TLE1: variants seen among roughly 807,000 people sequenced by gnomAD.
The protein encoded by TLE1 is TLE family member 1, transcriptional corepressor.
A neutral mutation model predicts 89.8 loss-of-function variants in TLE1; 21 were observed. That is an observed-to-expected ratio of 0.23 (90% CI 0.17 to 0.34). TLE1 has a LOEUF of 0.34. Ranked by LOEUF, TLE1 falls within the 10% of genes least tolerant of loss-of-function variation. TLE1 has a pLI of 1.00. For missense variants in TLE1, 795 were observed against 1,031.2 expected, an observed-to-expected ratio of 0.77 and a Z score of 3.14; for synonymous variants, 447 against 407.6, an observed-to-expected ratio of 1.10 and a Z score of -1.16.
intron 8 of TLE1, among the ~76,000 whole-genome samples, chr9:81,621,662 A>G (rs1351477140): frequency 6.6e-6 from 1 of 152,198 alleles, no homozygotes; most frequent in East Asian, 1.9e-4. Flanking sequence ...CAAATATTTT[A>G]TGGTATCTTT....
At chr9:81,639,390 C>G (rs1827805144) in intron 6 of TLE1, among the ~76,000 whole-genome samples, 1 of 152,070 alleles carries the variant, frequency 6.6e-6, no homozygotes. Flanking sequence ...TAACCAAAAC[C>G]TGCCCGTCAT....
At chr9:81,648,141 G>A (rs144063743) in intron 6 of TLE1, among the ~76,000 whole-genome samples, 2,049 of 151,670 alleles carry the variant, frequency 0.014, 45 homozygotes, top group African/African-American at 0.04. Context: ...GTATGGCGGT[G>A]CATGCCTGTA....
chr9:81,633,075 T>G (rs530555049), intron 8 of TLE1, among the ~76,000 whole-genome samples: 1 of 152,280 alleles, frequency 6.6e-6, no homozygotes, highest in Admixed American at 6.5e-5. Context: ...TATTTCCAAG[T>G]AAGTAATCAC....
intron 4 of TLE1, among the ~76,000 whole-genome samples, chr9:81,685,203 C>T (rs972556074): frequency 6.6e-6 from 1 of 152,186 alleles, no homozygotes; most frequent in Non-Finnish European, 1.5e-5. Flanking sequence ...CTTCATGCAG[C>T]CCCAAAGCAT....
chr9:81,687,303 G>A lies in TLE1; in HGVS notation c.125+31C>T, dbSNP rs982370580. On this transcript the variant is annotated intron_variant, in intron 2 of 19. Coordinates refer to ENST00000376499, the MANE Select transcript of TLE1 (RefSeq NM_005077.5). ...GTGCAAGGGGCACCGGGACGCCCGC[G>A]ACCACTCGCATGGCGCGGCCGGACA... The A allele has an allele frequency of 7.0e-6, 11 of 1,576,468 alleles. No homozygotes were observed. In the South Asian group the frequency reaches 1.0e-4, roughly 15 times the overall value.
rs771364039 is a variant in TLE1, at chr9:81,593,244, A to G, written c.1362T>C (p.Gly454=). The stretch of plus-strand genomic sequence containing the variant: ...GGGGAAAAGGGACAGGCTGCATCTG[A>G]CCGTCTGCAGTAACGTGGAAGGAGT... ...PAYSFHVTAD[G]QMQPVPFPPD... The change falls in exon 15 of 20, where the codon GGT becomes GGC. Residue 454 remains glycine (G), a synonymous_variant. Transcript: ENST00000376499. 7 of 1,613,952 alleles carry G rather than the reference A, an allele frequency of 4.3e-6. No individual in the cohort carries two copies. Among genetic ancestry groups the G allele is most frequent in the Non-Finnish European group, 5.9e-6 (7 of 1,179,848 alleles).
chr9:81,657,256 CTTGCTTAATATGAT>C, intron 4 of TLE1, among the ~76,000 whole-genome samples: 1 of 152,248 alleles, frequency 6.6e-6, no homozygotes, highest in Non-Finnish European at 1.5e-5. Context: ...GTCTTTCAAC[CTTGCTTAATATGAT>C]TTTTTTGCTG....
chr9:81,647,427 G>C (rs1308308747), intron 6 of TLE1, among the ~76,000 whole-genome samples: 1 of 152,162 alleles, frequency 6.6e-6, no homozygotes, highest in African/African-American at 2.4e-5. Flanking sequence ...TTTCACTACT[G>C]TTTCCTTATT....
chr9:81,587,150 G>A lies in TLE1; in HGVS notation c.1977+531C>T, dbSNP rs577513954. Reference sequence around the variant, plus strand: ...AGTCTGCAAATCTAGTCAGCCACCAGTTCATTTTTTAAAGGATGAGGAATA... The same window carrying A: ...AGTCTGCAAATCTAGTCAGCCACCAATTCATTTTTTAAAGGATGAGGAATA... On this transcript the variant is annotated intron_variant, in intron 17 of 19. Transcript: ENST00000376499. Among the ~76,000 whole-genome samples the A allele has an allele frequency of 2.5e-4, 38 of 152,276 alleles. No homozygotes were observed. In the South Asian group the frequency reaches 5.4e-3, roughly 22 times the overall value.
chr9:81,634,468 G>A (rs1827121540), intron 6 of TLE1, among the ~76,000 whole-genome samples, 167 bp from the exon 7 acceptor site: 1 of 144,656 alleles, frequency 6.9e-6, no homozygotes, highest in South Asian at 2.1e-4. Context: ...GAAAGAGAGG[G>A]AGGAAAGGGG....
chr9:81,595,923 C>T (rs7036755), intron 14 of TLE1, among the ~76,000 whole-genome samples: 29,306 of 151,870 alleles, frequency 0.19, 3,258 homozygotes, highest in East Asian at 0.3. Context: ...ATCTCGGTGC[C>T]ATGAGAGAAA....
chr9:81,649,662 C>T (rs1829295992), intron 6 of TLE1, among the ~76,000 whole-genome samples: 1 of 152,146 alleles, frequency 6.6e-6, no homozygotes. Flanking sequence ...CCTAAGTCGG[C>T]CCCTGAACAA....
chr9:81,663,483 A>C (rs1017741754), intron 4 of TLE1, among the ~76,000 whole-genome samples: 7 of 152,182 alleles, frequency 4.6e-5, no homozygotes, highest in Non-Finnish European at 1.0e-4. Context: ...CATACAGCCC[A>C]AACAGGGCTG....
Position 81,613,416 on chromosome 9 carries a change from C to G in TLE1, c.1024G>C (p.Gly342Arg). 1 of 1,614,102 alleles carries G rather than the reference C, an allele frequency of 6.2e-7. No homozygotes were observed. The highest frequency in any genetic ancestry group is 8.5e-7 in the Non-Finnish European group (1 of 1,179,978). ...SATPGLRPGL[G>R]KPPAIDPLVN... ...AGGGGGTCTATGGCTGGAGGCTTGC[C>G]GAGACCTGGACGGAGGCCTGGAGTG... The change falls in exon 12 of 20, where the codon GGC (glycine) becomes CGC (arginine). Residue 342 changes from glycine (G) to arginine (R), a missense_variant. Around this residue, in one of 4 missense-constraint regions of TLE1, gnomAD observed 468 missense variants for 509.1 expected, o/e 0.92. Coordinates refer to ENST00000376499, the MANE Select transcript of TLE1 (RefSeq NM_005077.5).
chr9:81,589,311 G>A (rs1829102032), intron 16 of TLE1, among the ~76,000 whole-genome samples: 1 of 152,070 alleles, frequency 6.6e-6, no homozygotes, highest in African/African-American at 2.4e-5. Flanking sequence ...CCATCCCTCT[G>A]CCCTCTCTCC....
chr9:81,615,948 G>A, intron 11 of TLE1, 34 bp downstream of exon 11: 1 of 1,611,252 alleles, frequency 6.2e-7, no homozygotes, highest in East Asian at 2.2e-5. Flanking sequence ...AAAATACACT[G>A]CCAAACAGGC....
intron 14 of TLE1, among the ~76,000 whole-genome samples, chr9:81,605,714 GAC>G (rs998830777): frequency 7.9e-5 from 12 of 151,754 alleles, no homozygotes; most frequent in Non-Finnish European, 1.8e-4. Context: ...CATGGGCAAA[GAC>G]TTCATGACTA....
intron 4 of TLE1, among the ~76,000 whole-genome samples, chr9:81,684,898 T>C (rs1834072501): frequency 6.6e-6 from 1 of 152,194 alleles, no homozygotes; most frequent in Admixed American, 6.5e-5. Flanking sequence ...GGCTGAGCAA[T>C]CATTTAGCTT....
In TLE1 at chr9:81,613,369, T is replaced by C; in HGVS notation, c.1063+8A>G. 4.3e-6 allele frequency: 7 copies of C among 1,613,152 alleles called. No homozygotes were observed. Among genetic ancestry groups the C allele is most frequent in the Non-Finnish European group, 5.9e-6 (7 of 1,179,600 alleles). On this transcript the variant is annotated splice_region_variant and intron_variant, in intron 12 of 19. Transcript: ENST00000376499. Reference sequence around the variant, plus strand: ...CCAAACAAAGCACAACAAGAGGCGATGCTGTACCCGCTTGGTTAACGAGGG... The same window carrying C: ...CCAAACAAAGCACAACAAGAGGCGACGCTGTACCCGCTTGGTTAACGAGGG...
Sources: gnomAD v4.1 joint callset for allele counts (sites outside exome capture counted in the v4.1 genomes callset) on GRCh38, gnomAD v4.1.1 for gene constraint, gnomAD v4.1.1 regional missense constraint, MANE v1.5 for transcripts, NCBI Gene and HGNC (gene_info 2026-07-23, HGNC 2026-07-21) for gene names.